The following RABEP1 variants were observed in gnomAD, a reference collection of about 807,000 sequenced individuals.
RABEP1 encodes the protein rabaptin, RAB GTPase binding effector protein 1.
In RABEP1, 51 loss-of-function variants were observed where a neutral mutation model predicts 123.4. That is an observed-to-expected ratio of 0.41 (90% CI 0.33 to 0.52). The LOEUF (loss-of-function observed/expected upper bound fraction) is 0.52. RABEP1 is among the 20% of genes least tolerant of loss of function. The pLI, the probability that RABEP1 is intolerant of heterozygous loss-of-function variation, is 0.16. For synonymous variants in RABEP1, 347 were observed against 355.2 expected, an observed-to-expected ratio of 0.98 and a Z score of 0.26; for missense variants, 888 against 996.3, an observed-to-expected ratio of 0.89 and a Z score of 1.46.
chr17:5,338,123 G>C lies in RABEP1; in HGVS notation c.633G>C (p.Glu211Asp), dbSNP rs747680965. Residue 211 changes from glutamate (E) to aspartate (D), a missense_variant, in exon 5 of 18, where the codon GAG becomes GAC. Glu to Asp is a conservative substitution (Grantham distance 45). Coordinates refer to ENST00000537505, the MANE Select transcript of RABEP1 (RefSeq NM_004703.6). ...KLTEAEDKIK[E>D]LEASKVKELN... ...CAGAGGCTGAAGACAAAATTAAAGA[G>C]CTGGAGGCCTCAAAGGTTATGAAAC... The C allele has an allele frequency of 8.7e-6, 14 of 1,613,102 alleles. No individual in the cohort carries two copies. The East Asian group carries it at 2.2e-4, about 26-fold the overall frequency.
intron 6 of RABEP1, among the ~76,000 whole-genome samples, chr17:5,349,342 A>T (rs913720205): frequency 2.0e-5 from 3 of 152,250 alleles, no homozygotes; most frequent in Admixed American, 6.5e-5. Flanking sequence ...GCCAGAAGAT[A>T]GATATATCAT....
rs182378141 is a variant in RABEP1 at position 5,369,064 on chromosome 17, G to A, written c.1884+596G>A. Among the ~76,000 whole-genome samples, 444 of 152,072 alleles carry A rather than the reference G, an allele frequency of 2.9e-3. 1 individual carries two copies. The highest frequency in any genetic ancestry group is 4.5e-3 in the Non-Finnish European group (305 of 67,988). On this transcript the variant is annotated intron_variant, in intron 12 of 17. Transcript: ENST00000537505. ...GCTGAAGTTGCAGTGAGCTGAGATCGCGCCACTGCACTCCAGCCTGGGTGA... is the reference window on the plus strand; with the variant it reads ...GCTGAAGTTGCAGTGAGCTGAGATCACGCCACTGCACTCCAGCCTGGGTGA...
At chr17:5,380,532 G>A in intron 16 of RABEP1, 70 bp downstream of exon 16, 1 of 1,250,244 alleles carries the variant, frequency 8.0e-7, no homozygotes, top group East Asian at 2.6e-5. Flanking sequence ...CTTGCTTGTT[G>A]AAAAAAAAAT....
chr17:5,341,654 G>C (rs72836393), intron 5 of RABEP1, among the ~76,000 whole-genome samples: 5,251 of 152,248 alleles, frequency 0.034, 131 homozygotes, highest in Non-Finnish European at 0.049. Flanking sequence ...TAGAAAGGTA[G>C]TATGAGAAGA....
At chr17:5,299,731 C>CTTTTTTTTTTTTTTTTTTTTTTTTTTTT (rs1171650180) in intron 1 of RABEP1, among the ~76,000 whole-genome samples, 1 of 96,868 alleles carries the variant, frequency 1.0e-5, no homozygotes, top group Non-Finnish European at 1.9e-5. Flanking sequence ...TTTTCTTTTT[C>CTTTTTTTTTTTTTTTTTTTTTTTTTTTT]TTTTTTTTTT....
chr17:5,362,810 G>T (rs1909669389), intron 9 of RABEP1, 102 bp from the exon 10 acceptor site: 2 of 753,486 alleles, frequency 2.7e-6, no homozygotes. Context: ...AGTGTTTACT[G>T]CATGTTCTAC....
chr17:5,370,965 CT>C lies in RABEP1; in HGVS notation c.1885-2336del, dbSNP rs58556047. Among the ~76,000 whole-genome samples, 550 of 144,540 alleles carry C rather than the reference CT, an allele frequency of 3.8e-3. 3 individuals are homozygous for C. Among genetic ancestry groups the C allele is most frequent in the Non-Finnish European group, 3.9e-3 (253 of 65,538 alleles). 94.8% of individuals were successfully genotyped at this position (144,540 alleles called of 152,430 possible). On this transcript the variant is annotated intron_variant, in intron 12 of 17. Coordinates refer to ENST00000537505, the MANE Select transcript of RABEP1 (RefSeq NM_004703.6). ...TATATAGTTAGCTCCATTTGTTTCT[CT>C]TTTTTTTTTTTTGTTTTTGAGACGG...
chr17:5,372,720 G>A lies in RABEP1; in HGVS notation c.1885-594G>A, dbSNP rs1910617718. Among the ~76,000 whole-genome samples, 3 of 152,014 alleles carry A rather than the reference G, an allele frequency of 2.0e-5. No homozygotes were observed. In the South Asian group the frequency reaches 6.2e-4, roughly 32 times the overall value. Reference sequence around the variant, plus strand: ...CCACTTCCATTGAACTAGAGATCCTGGTCCTTCTGTAGTACAGGGATATGG... The same window carrying A: ...CCACTTCCATTGAACTAGAGATCCTAGTCCTTCTGTAGTACAGGGATATGG... On this transcript the variant is annotated intron_variant, in intron 12 of 17. Transcript: ENST00000537505.
intron 7 of RABEP1, among the ~76,000 whole-genome samples, chr17:5,353,382 T>C (rs556250528): frequency 1.8e-4 from 27 of 152,344 alleles, no homozygotes; most frequent in African/African-American, 6.5e-4. Context: ...TAGAACCTTG[T>C]ACATACTTGT....
At chr17:5,345,106 A>T (rs1907962835) in intron 5 of RABEP1, among the ~76,000 whole-genome samples, 2 of 152,250 alleles carry the variant, frequency 1.3e-5, no homozygotes, top group Admixed American at 6.5e-5. Context: ...TGAAAGTGGG[A>T]CATCATTTTA....
At chr17:5,345,294 G>A (rs1236433258) in intron 5 of RABEP1, among the ~76,000 whole-genome samples, 2 of 136,844 alleles carry the variant, frequency 1.5e-5, no homozygotes, top group Admixed American at 7.1e-5. Context: ...CTGATACCAC[G>A]TACATTTTTC....
At chr17:5,357,472 A>G (rs1225198465) in intron 8 of RABEP1, among the ~76,000 whole-genome samples, 2 of 151,926 alleles carry the variant, frequency 1.3e-5, no homozygotes, top group Non-Finnish European at 2.9e-5. Context: ...CTTGGGTTCA[A>G]GCGATTCTCG....
chr17:5,298,930 C>G (rs1179472264), intron 1 of RABEP1, among the ~76,000 whole-genome samples: 1 of 152,030 alleles, frequency 6.6e-6, no homozygotes, highest in Non-Finnish European at 1.5e-5. Context: ...GCTGGGATTA[C>G]AGGCGTGAGC....
At chr17:5,305,757 C>T (rs967058252) in intron 1 of RABEP1, among the ~76,000 whole-genome samples, 1 of 152,058 alleles carries the variant, frequency 6.6e-6, no homozygotes, top group African/African-American at 2.4e-5. Flanking sequence ...ATAAAAATAC[C>T]AGCAGAATTA....
chr17:5,335,112 A>T, intron 3 of RABEP1, 72 bp from the exon 4 acceptor site: 1 of 1,349,840 alleles, frequency 7.4e-7, no homozygotes. Context: ...ATATAACTTT[A>T]AAAAATTTAG....
At chr17:5,338,415 C>T (rs895460456) in intron 5 of RABEP1, among the ~76,000 whole-genome samples, 2 of 152,074 alleles carry the variant, frequency 1.3e-5, no homozygotes, top group African/African-American at 4.8e-5. Context: ...TACAAATTAA[C>T]CAGGCATGGT....
intron 2 of RABEP1, among the ~76,000 whole-genome samples, chr17:5,316,340 C>T (rs1310349945): frequency 1.3e-5 from 2 of 149,348 alleles, no homozygotes; most frequent in Non-Finnish European, 3.0e-5. Flanking sequence ...GTCCCAGCTA[C>T]TCAGGAGGCT....
chr17:5,336,536 C>T, intron 4 of RABEP1: 1 of 455,094 alleles, frequency 2.2e-6, no homozygotes, highest in Admixed American at 2.7e-5. Context: ...TCCTTAGATG[C>T]CTCTTGGCTG....
At chr17:5,334,147 C>G (rs1230765975) in intron 3 of RABEP1, among the ~76,000 whole-genome samples, 2 of 151,376 alleles carry the variant, frequency 1.3e-5, no homozygotes, top group Middle Eastern at 3.2e-3. Context: ...AATTTTCGTG[C>G]CTCTGCCTTC....
Sources: allele counts gnomAD v4.1 joint callset (sites outside exome capture counted in the v4.1 genomes callset), GRCh38; gene constraint gnomAD v4.1.1; transcripts MANE v1.5; gene names NCBI Gene and HGNC (gene_info 2026-07-23, HGNC 2026-07-21).